Variants in CAND2 observed in about 807,000 individuals in gnomAD.
CAND2 encodes the protein cullin-associated NEDD8-dissociated protein 2.
Under a neutral mutation model 98.9 loss-of-function variants are expected in CAND2, and 62 were observed. The ratio of observed to expected loss-of-function variants is 0.63; its 90% confidence interval spans 0.51 to 0.77. The LOEUF is 0.77. Ranked by LOEUF, CAND2 falls within the 30% of genes least tolerant of loss-of-function variation. The pLI, the probability that CAND2 is intolerant of heterozygous loss-of-function variation, is 0.00. For synonymous variants in CAND2, 770 were observed against 731.9 expected, an observed-to-expected ratio of 1.05 and a Z score of -0.84; for missense variants, 1,501 against 1,655.2, an observed-to-expected ratio of 0.91 and a Z score of 1.62.
Position 12,834,099 on chromosome 3 carries a change from G to T in CAND2, c.*117G>T, listed in dbSNP as rs558281163. The T allele has an allele frequency of 2.7e-4, 217 of 807,444 alleles. No homozygotes were observed. Among genetic ancestry groups the T allele is most frequent in the Non-Finnish European group, 3.9e-4 (196 of 502,178 alleles). 50.0% of individuals were successfully genotyped at this position (807,444 alleles called of 1,614,324 possible). A position where few individuals can be genotyped will look rare whatever the true frequency, so the allele number is the denominator to read the frequency against. On this transcript the variant is annotated 3_prime_UTR_variant, in exon 15 of 15. Transcript: ENST00000456430. ...TTGCCCTTCCACCATCTCACTGGGG[G>T]CCCTGTCGCTCCTGGTCAGGGCTTA...
chr3:12,826,976 A>G (rs1215823731), intron 12 of CAND2, among the ~76,000 whole-genome samples: 2 of 151,908 alleles, frequency 1.3e-5, no homozygotes, highest in East Asian at 1.9e-4. Flanking sequence ...GACTACAGGC[A>G]CGTGCCACCA....
intron 13 of CAND2, among the ~76,000 whole-genome samples, chr3:12,830,047 T>TG (rs1327260409): frequency 6.6e-6 from 1 of 152,122 alleles, no homozygotes; most frequent in Admixed American, 6.5e-5. Flanking sequence ...AAGCATCCGA[T>TG]GCGCGTGGTG....
At chr3:12,825,695 CCTCA>C in intron 12 of CAND2, 56 bp downstream of exon 12, 1 of 1,456,902 alleles carries the variant, frequency 6.9e-7, no homozygotes, top group Non-Finnish European at 9.4e-7. Context: ...ACCTCTCATG[CCTCA>C]CTGTTAGGGC....
In CAND2 at chr3:12,829,577, A is replaced by C. The variant is rs757667856; in HGVS notation, c.3376-1888A>C. Among the ~76,000 whole-genome samples the C allele has an allele frequency of 1.4e-4, 21 of 152,368 alleles. 1 individual carries two copies. The highest frequency in any genetic ancestry group is 4.3e-4 in the African/African-American group (18 of 41,590). On this transcript the variant is annotated intron_variant, in intron 13 of 14. Transcript: ENST00000456430. ...TTACACAAGATGAAAGCAAATAAAG[A>C]AGCAAGTAATAATCACCCAAAAGCT...
intron 10 of CAND2, among the ~76,000 whole-genome samples, chr3:12,818,562 C>G (rs2061928803): frequency 6.6e-6 from 1 of 152,204 alleles, no homozygotes; most frequent in Non-Finnish European, 1.5e-5. Flanking sequence ...AGGTGGAAAG[C>G]AGACAGGTAG....
chr3:12,825,413 G>C, intron 11 of CAND2, 57 bp from the exon 12 acceptor site: 1 of 1,496,790 alleles, frequency 6.7e-7, no homozygotes, highest in Non-Finnish European at 9.0e-7. Flanking sequence ...GGTGGTGAGG[G>C]AGGTGACTTT....
intron 2 of CAND2, 53 bp downstream of exon 2, chr3:12,803,684 C>G: frequency 6.7e-7 from 1 of 1,502,184 alleles, no homozygotes; most frequent in Non-Finnish European, 9.0e-7. Flanking sequence ...TGTGTGGGAG[C>G]ATCCTGGGGA....
At position 12,810,179 on chromosome 3, in the gene CAND2, C is replaced by T. The variant is rs2061839860; in HGVS notation, c.612C>T (p.Ala204=). 2.6e-6 allele frequency: 4 copies of T among 1,533,230 alleles called. No individual in the cohort carries two copies. Among genetic ancestry groups the T allele is most frequent in the South Asian group, 1.2e-5 (1 of 82,892 alleles). 95.0% of individuals were successfully genotyped at this position (1,533,230 alleles called of 1,614,324 possible). A position where few individuals can be genotyped will look rare whatever the true frequency, so the allele number is the denominator to read the frequency against. The change falls in exon 5 of 15, where the codon GCC becomes GCT. Residue 204 remains alanine (A), a synonymous_variant. Transcript: ENST00000456430. Reference sequence around the variant, plus strand: ...TCGGAGCGCTTGGCCACCTGGCGGCCGCCTGCAGCACCGACCTCTTCGTCG... The same window carrying T: ...TCGGAGCGCTTGGCCACCTGGCGGCTGCCTGCAGCACCGACCTCTTCGTCG... ...RAVGALGHLA[A]ACSTDLFVEL... is the part of the protein sequence containing the mutation.
In CAND2 at chr3:12,813,338, A is replaced by G; in HGVS notation, c.956A>G (p.Asp319Gly). ...KHDPNYNYDS[D>G]EDEEQMETED... Reference sequence around the variant, plus strand: ...GACCCCAACTACAACTACGACAGTGATGAGGATGAGGAGCAGATGGAGACA... The same window carrying G: ...GACCCCAACTACAACTACGACAGTGGTGAGGATGAGGAGCAGATGGAGACA... The change falls in exon 7 of 15, where the codon GAT (aspartate) becomes GGT (glycine). Residue 319 changes from aspartate to glycine, a missense_variant. Asp to Gly is a moderately conservative substitution (Grantham distance 94). Around this residue, in one of 3 missense-constraint regions of CAND2, gnomAD observed 1,427 missense variants for 1,545.3 expected, o/e 0.92. Transcript: ENST00000456430. 6.2e-7 allele frequency: 1 copy of G among 1,614,186 alleles called. No individual in the cohort carries two copies.
At chr3:12,824,980 T>C (rs1008314943) in intron 11 of CAND2, among the ~76,000 whole-genome samples, 7 of 152,216 alleles carry the variant, frequency 4.6e-5, no homozygotes, top group African/African-American at 1.7e-4. Flanking sequence ...CTGGTGACTC[T>C]GTGTAAGTTT....
intron 1 of CAND2, among the ~76,000 whole-genome samples, chr3:12,797,362 C>T (rs2061734316): frequency 6.6e-6 from 1 of 151,972 alleles, no homozygotes; most frequent in Non-Finnish European, 1.5e-5. Context: ...CCCTCCCCGT[C>T]TCCCTCCCCT....
chr3:12,831,230 G>A (rs573184466), intron 13 of CAND2, among the ~76,000 whole-genome samples: 3 of 152,248 alleles, frequency 2.0e-5, no homozygotes, highest in South Asian at 4.1e-4. Context: ...GCTTGAGAAC[G>A]ACTCCCTCCC....
At chr3:12,803,363 C>G (rs993748319) in intron 1 of CAND2, 125 bp from the exon 2 acceptor site, 26 of 810,562 alleles carry the variant, frequency 3.2e-5, no homozygotes, top group Admixed American at 6.8e-5. Flanking sequence ...CATTATGTGA[C>G]ACAGGACTGC....
chr3:12,828,466 T>C (rs2062021716), intron 13 of CAND2, among the ~76,000 whole-genome samples: 1 of 151,428 alleles, frequency 6.6e-6, no homozygotes, highest in South Asian at 2.1e-4. Context: ...GCCTCCCAAG[T>C]AGCTGGGACT....
chr3:12,833,853 G>C lies in CAND2; in HGVS notation c.3582G>C (p.Val1194=). 1.2e-6 allele frequency: 2 copies of C among 1,614,172 alleles called. No individual in the cohort carries two copies. The highest frequency in any genetic ancestry group is 4.5e-5 in the East Asian group (2 of 44,890). The change falls in exon 15 of 15, where the codon GTG becomes GTC. Residue 1194 remains valine, a synonymous_variant. Transcript: ENST00000456430. Reference sequence around the variant, plus strand: ...CTGCCCTGCTGACCATCCCCGAGGTGGGGAAAAGCCCCATCATGGCCGACT... The same window carrying C: ...CTGCCCTGCTGACCATCCCCGAGGTCGGGAAAAGCCCCATCATGGCCGACT... ...AVAALLTIPE[V]GKSPIMADFS...
chr3:12,823,821 C>G (rs1050707598), intron 11 of CAND2, among the ~76,000 whole-genome samples: 1 of 152,132 alleles, frequency 6.6e-6, no homozygotes, highest in African/African-American at 2.4e-5. Context: ...CGCTTGAACC[C>G]GGGAGATGAA....
chr3:12,811,716 C>T (rs112741469), intron 5 of CAND2, among the ~76,000 whole-genome samples: 3,845 of 151,990 alleles, frequency 0.025, 63 homozygotes, highest in African/African-American at 0.054. Flanking sequence ...GCACTACAGG[C>T]GCACGCTACC....
At chr3:12,812,221 C>CTTCTTTTTTTTTTTT (rs2061857159) in intron 5 of CAND2, among the ~76,000 whole-genome samples, 1 of 74,514 alleles carries the variant, frequency 1.3e-5, no homozygotes, top group Non-Finnish European at 2.5e-5. Context: ...AGCTGTTTAT[C>CTTCTTTTTTTTTTTT]TTTTTTTTTT....
chr3:12,817,562 T>C lies in CAND2; in HGVS notation c.2630T>C (p.Val877Ala). Residue 877 changes from valine to alanine, a missense_variant, in exon 10 of 15, where the codon GTG becomes GCG. Transcript: ENST00000456430. ...LEALGSPSED[V>A]RAAASYALGR... is the part of the protein sequence containing the mutation. ...GCTTTGGGGTCACCCAGTGAGGATG[T>C]GAGGGCTGCAGCCTCGTATGCACTG... The C allele has an allele frequency of 6.2e-7, 1 of 1,613,932 alleles. No homozygotes were observed. The highest frequency in any genetic ancestry group is 1.6e-4 in the Middle Eastern group (1 of 6,062).
Sources: gnomAD v4.1 joint callset for allele counts (sites outside exome capture counted in the v4.1 genomes callset) on GRCh38, gnomAD v4.1.1 for gene constraint, gnomAD v4.1.1 regional missense constraint, MANE v1.5 for transcripts, NCBI Gene and HGNC (gene_info 2026-07-23, HGNC 2026-07-21) for gene names.